The following SLC26A4 variants were observed in gnomAD, a reference collection of about 807,000 sequenced individuals.
The protein encoded by SLC26A4 is solute carrier family 26 member 4, also known as pendrin.
SLC26A4 carries 93 observed loss-of-function variants against 90.4 expected under a neutral mutation model. The ratio of observed to expected loss-of-function variants is 1.03; its 90% confidence interval spans 0.87 to 1.22. SLC26A4 has a LOEUF of 1.22. SLC26A4 is among the 50% of genes most tolerant of loss of function. The pLI, the probability that SLC26A4 is intolerant of heterozygous loss-of-function variation, is 0.00. For missense variants in SLC26A4, 1,127 were observed against 946.2 expected, an observed-to-expected ratio of 1.19 and a Z score of -2.51; for synonymous variants, 393 against 354.6, an observed-to-expected ratio of 1.11 and a Z score of -1.22.
intron 20 of SLC26A4, 44 bp downstream of exon 20, chr7:107,712,666 G>C (rs1306161619): frequency 1.0e-6 from 1 of 999,998 alleles, no homozygotes; most frequent in Non-Finnish European, 1.6e-6. Flanking sequence ...ATTACATTTT[G>C]AATAATTAGA....
At chr7:107,690,797 C>A (rs1562833570) in intron 10 of SLC26A4, among the ~76,000 whole-genome samples, 1 of 152,040 alleles carries the variant, frequency 6.6e-6, no homozygotes, top group Non-Finnish European at 1.5e-5. Context: ...TTAATCTTAT[C>A]TTTTAAATGT....
chr7:107,683,723 G>C (rs1164010791), intron 8 of SLC26A4, among the ~76,000 whole-genome samples, 186 bp downstream of exon 8: 1 of 151,952 alleles, frequency 6.6e-6, no homozygotes, highest in Non-Finnish European at 1.5e-5. Context: ...CAAGCCATTT[G>C]TTTAAAAGCA....
In SLC26A4 at chr7:107,661,386, T is replaced by C; in HGVS notation, c.-3-253T>C. The stretch of plus-strand genomic sequence containing the variant: ...GAGCAGGGGCTTACTCGCTTCAAGT[T>C]TGGGGAACCCCGGGCAGCGGGTGCA... On this transcript the variant is annotated intron_variant, in intron 1 of 20. Transcript: ENST00000644269. This position sits in a 1 kb window ranked among gnomAD's most constrained non-coding sequence, Gnocchi z 5.1. 1.7e-6 allele frequency: 1 copy of C among 583,590 alleles called. No individual in the cohort carries two copies. 36.2% of individuals were successfully genotyped at this position (583,590 alleles called of 1,614,324 possible).
rs778353682 is a variant in SLC26A4 at position 107,683,185 on chromosome 7, T to A, written c.766-17T>A. Reference sequence around the variant, plus strand: ...GTGTAGCAGCAGGAAGTATATAAAATTATTTTCTTTTTATAGACGCTGGTT... The same window carrying A: ...GTGTAGCAGCAGGAAGTATATAAAAATATTTTCTTTTTATAGACGCTGGTT... On this transcript the variant is annotated splice_polypyrimidine_tract_variant and intron_variant, in intron 6 of 20. Coordinates refer to ENST00000644269, the MANE Select transcript of SLC26A4 (RefSeq NM_000441.2). 6.2e-7 allele frequency: 1 copy of A among 1,601,176 alleles called. No homozygotes were observed. The highest frequency in any genetic ancestry group is 1.1e-5 in the South Asian group (1 of 90,730).
intron 17 of SLC26A4, 119 bp downstream of exon 17, chr7:107,702,176 C>G (rs570255073): frequency 6.8e-6 from 5 of 740,484 alleles, no homozygotes; most frequent in Non-Finnish European, 1.2e-5. Flanking sequence ...TAGGTGAATG[C>G]TTTTGTAAAA....
chr7:107,667,167 T>A (rs1790738086), intron 3 of SLC26A4, among the ~76,000 whole-genome samples: 1 of 152,048 alleles, frequency 6.6e-6, no homozygotes, highest in South Asian at 2.1e-4. Flanking sequence ...GACATCTAAG[T>A]GGAGATGCCA....
At chr7:107,666,436 G>A (rs1790717295) in intron 3 of SLC26A4, among the ~76,000 whole-genome samples, 1 of 152,114 alleles carries the variant, frequency 6.6e-6, no homozygotes. Flanking sequence ...TGCCCAGGCT[G>A]GTCTGGAACT....
chr7:107,682,250 G>A (rs1791261178), intron 6 of SLC26A4, among the ~76,000 whole-genome samples: 1 of 151,490 alleles, frequency 6.6e-6, no homozygotes, highest in African/African-American at 2.4e-5. Context: ...AATGGGTGCA[G>A]TACACCAACA....
intron 3 of SLC26A4, among the ~76,000 whole-genome samples, chr7:107,664,616 G>A (rs1294638558): frequency 1.3e-5 from 2 of 152,192 alleles, no homozygotes; most frequent in African/African-American, 4.8e-5. Flanking sequence ...CCACATGAAT[G>A]TTTTGCCTGC....
chr7:107,661,511 A>AG lies in SLC26A4; in HGVS notation c.-3-127dup. On this transcript the variant is annotated intron_variant, in intron 1 of 20. Transcript: ENST00000644269. This position sits in a 1 kb window ranked among gnomAD's most constrained non-coding sequence, Gnocchi z 5.1. ...CGCCGAGGGCTGCAGGACGCGGACC[A>AG]GACTCGCGGTGCAGGGGGGCCTGGC... 1.8e-6 allele frequency: 2 copies of AG among 1,081,248 alleles called. No homozygotes were observed. Among genetic ancestry groups the AG allele is most frequent in the Non-Finnish European group, 2.7e-6 (2 of 741,320 alleles). 67.0% of individuals were successfully genotyped at this position (1,081,248 alleles called of 1,614,324 possible). A position where few individuals can be genotyped will look rare whatever the true frequency, so the allele number is the denominator to read the frequency against.
intron 18 of SLC26A4, among the ~76,000 whole-genome samples, chr7:107,705,648 TTAAA>T (rs1792019449): frequency 6.6e-6 from 1 of 152,050 alleles, no homozygotes; most frequent in Admixed American, 6.5e-5. Flanking sequence ...ACTGGTTAAA[TTAAA>T]GCAGAAAGTG....
chr7:107,664,306 T>G (rs759142323), intron 3 of SLC26A4, among the ~76,000 whole-genome samples: 1 of 152,230 alleles, frequency 6.6e-6, no homozygotes, highest in Non-Finnish European at 1.5e-5. Context: ...CTTGGCTCAA[T>G]GCAACCTCTC....
chr7:107,707,754 T>C (rs944270300), intron 18 of SLC26A4, among the ~76,000 whole-genome samples: 4 of 152,226 alleles, frequency 2.6e-5, no homozygotes, highest in African/African-American at 9.6e-5. Context: ...GCTTCCCATA[T>C]AATTTAACCT....
intron 18 of SLC26A4, among the ~76,000 whole-genome samples, chr7:107,707,732 T>C (rs1792070922): frequency 6.6e-6 from 1 of 152,240 alleles, no homozygotes; most frequent in Non-Finnish European, 1.5e-5. Context: ...CATCATTTCT[T>C]ATTTTAACAG....
chr7:107,706,062 G>A (rs1434283130), intron 18 of SLC26A4, among the ~76,000 whole-genome samples: 4 of 152,290 alleles, frequency 2.6e-5, no homozygotes, highest in African/African-American at 7.2e-5. Context: ...CAGTCTACAG[G>A]TAGATAATAA....
At chr7:107,673,730 T>C (rs1294521182) in intron 4 of SLC26A4, among the ~76,000 whole-genome samples, 3 of 152,082 alleles carry the variant, frequency 2.0e-5, no homozygotes, top group Non-Finnish European at 4.4e-5. Context: ...CGTTTTTAGC[T>C]TCTTTTTGTT....
intron 17 of SLC26A4, among the ~76,000 whole-genome samples, chr7:107,703,638 C>T (rs1439202005): frequency 6.6e-6 from 1 of 152,106 alleles, no homozygotes; most frequent in East Asian, 1.9e-4. Context: ...AGAATATTTC[C>T]CACACAACGA....
intron 14 of SLC26A4, among the ~76,000 whole-genome samples, chr7:107,698,408 C>T (rs1791800838): frequency 6.6e-6 from 1 of 151,992 alleles, no homozygotes; most frequent in Non-Finnish European, 1.5e-5. Context: ...ACCTCTGCCT[C>T]CTGGGTTCAA....
rs1792140911 is a variant in SLC26A4, at chr7:107,710,125, A to G, written c.2161A>G (p.Thr721Ala). 2 of 1,609,406 alleles carry G rather than the reference A, an allele frequency of 1.2e-6. No homozygotes were observed. The highest frequency in any genetic ancestry group is 1.1e-5 in the South Asian group (1 of 91,024). The change falls in exon 19 of 21, where the codon ACG (threonine) becomes GCG (alanine). Residue 721 changes from threonine to alanine, a missense_variant. Coordinates refer to ENST00000644269, the MANE Select transcript of SLC26A4 (RefSeq NM_000441.2). ...CATTAGAAAGGACACATTCTTTTTG[A>G]CGGTCCATGATGCTATACTCTATCT... The part of the protein sequence containing the change: ...DNIRKDTFFL[T>A]VHDAILYLQN...
Sources: allele counts gnomAD v4.1 joint callset (sites outside exome capture counted in the v4.1 genomes callset), GRCh38; gene constraint gnomAD v4.1.1; non-coding constraint Gnocchi (gnomAD v3.1); transcripts MANE v1.5; gene names NCBI Gene and HGNC (gene_info 2026-07-23, HGNC 2026-07-21).